Variants in B4GALT6 observed in about 807,000 individuals in gnomAD.
The protein encoded by B4GALT6 is UDP-Gal:beta-GlcNAc beta-1,4-galactosyltransferase 6.
Under a neutral mutation model 46.3 loss-of-function variants are expected in B4GALT6, and 14 were observed. That is an observed-to-expected ratio of 0.30 (90% CI 0.20 to 0.47). B4GALT6 has a LOEUF of 0.47. Among genes scored for constraint, B4GALT6 ranks in the 20% least tolerant of loss-of-function variants. The pLI is 0.99. For synonymous variants in B4GALT6, 168 were observed against 162.0 expected, an observed-to-expected ratio of 1.04 and a Z score of -0.28; for missense variants, 386 against 480.1, an observed-to-expected ratio of 0.80 and a Z score of 1.83.
chr18:31,653,341 A>C (rs2074098219), intron 3 of B4GALT6, among the ~76,000 whole-genome samples: 2 of 151,734 alleles, frequency 1.3e-5, no homozygotes, highest in Admixed American at 1.3e-4. Flanking sequence ...GCTATCTTGT[A>C]AGACCCAGTT....
the B4GALT6 span, among the ~76,000 whole-genome samples, chr18:31,712,287 A>ACTTTTC: frequency 1.2e-5 from 1 of 84,642 alleles, no homozygotes; most frequent in African/African-American, 5.1e-5. Context: ...CTGGGACGTT[A>ACTTTTC]TTTTTTTTTT....
At chr18:31,693,063 TCAAA>T in the B4GALT6 span, among the ~76,000 whole-genome samples, 1 of 152,252 alleles carries the variant, frequency 6.6e-6, no homozygotes. Context: ...CTCTGCTTCC[TCAAA>T]TATTTCCTTA....
the B4GALT6 span, among the ~76,000 whole-genome samples, chr18:31,694,604 C>T: frequency 1.3e-5 from 2 of 152,158 alleles, no homozygotes; most frequent in African/African-American, 4.8e-5. Flanking sequence ...CGAAAAGTGC[C>T]TGTAGGACTT....
intron 1 of B4GALT6, among the ~76,000 whole-genome samples, chr18:31,680,147 A>C (rs1440675195): frequency 2.6e-5 from 4 of 152,300 alleles, no homozygotes; most frequent in Middle Eastern, 3.4e-3. Flanking sequence ...CGAACTCCTG[A>C]AATGGGCCAT....
chr18:31,694,623 A>C, the B4GALT6 span, among the ~76,000 whole-genome samples: 1 of 152,254 alleles, frequency 6.6e-6, no homozygotes, highest in Non-Finnish European at 1.5e-5. Context: ...TTTTGTTCAC[A>C]GGATATTTGC....
intron 5 of B4GALT6, among the ~76,000 whole-genome samples, chr18:31,631,618 A>G (rs2073792890): frequency 6.6e-6 from 1 of 152,172 alleles, no homozygotes; most frequent in Non-Finnish European, 1.5e-5. Flanking sequence ...GTGGCGAGAA[A>G]AAAAAAGTCA....
intron 2 of B4GALT6, among the ~76,000 whole-genome samples, chr18:31,662,784 T>C (rs578084212): frequency 1.1e-3 from 173 of 152,090 alleles, no homozygotes; most frequent in African/African-American, 3.9e-3. Context: ...GAGCTTGCAG[T>C]GAGCTGAGAT....
chr18:31,672,370 T>G (rs1391147271), intron 1 of B4GALT6, among the ~76,000 whole-genome samples: 1 of 152,142 alleles, frequency 6.6e-6, no homozygotes, highest in Non-Finnish European at 1.5e-5. Flanking sequence ...TGGGGAGACA[T>G]TCAATAAATG....
rs974078546 is a variant in B4GALT6, at chr18:31,638,634, G to T, written c.588+10C>A. 7.6e-6 allele frequency: 12 copies of T among 1,585,130 alleles called. No homozygotes were observed. The highest frequency in any genetic ancestry group is 1.0e-5 in the Non-Finnish European group (12 of 1,153,860). On this transcript the variant is annotated intron_variant, in intron 5 of 8. Transcript: ENST00000306851. ...GTATACTTAGTGACCACTATGAAAA[G>T]TATTCTCACCTGTTCAATGACATAA...
chr18:31,678,333 T>TC (rs2074438828), intron 1 of B4GALT6, among the ~76,000 whole-genome samples: 1 of 152,114 alleles, frequency 6.6e-6, no homozygotes, highest in African/African-American at 2.4e-5. Flanking sequence ...TCTTTTTTTT[T>TC]CCTCTCTCTC....
At chr18:31,687,959 T>C (rs544654359), upstream of B4GALT6, among the ~76,000 whole-genome samples, 30 of 152,206 alleles carry the variant, frequency 2.0e-4, no homozygotes, top group African/African-American at 7.2e-4. Context: ...AAAATAAAAA[T>C]ATCTAATTTT....
At chr18:31,627,945 C>T (rs554133603) in intron 6 of B4GALT6, among the ~76,000 whole-genome samples, 3 of 152,286 alleles carry the variant, frequency 2.0e-5, no homozygotes, top group East Asian at 1.9e-4. Flanking sequence ...AAAACGTGAC[C>T]ATGCACAGCA....
chr18:31,684,414 T>A lies in B4GALT6; in HGVS notation c.13A>T (p.Arg5Trp), dbSNP rs764748373. Reference protein sequence around the residue: MSVLRRMMRVSNRSL... With the variant: MSVLWRMMRVSNRSL... ...CGATTGGAAACCCGCATCATCCGCC[T>A]GAGCACAGACATCTTCCTCTTCCCT... The change falls in exon 1 of 9, where the codon AGG (arginine) becomes TGG (tryptophan). Residue 5 changes from arginine to tryptophan, a missense_variant. By Grantham distance (101) the Arg-to-Trp change is moderately radical. This residue lies in a region of B4GALT6 where 63 missense variants were observed against 41.3 expected (regional missense o/e 1.53). Coordinates refer to ENST00000306851, the MANE Select transcript of B4GALT6 (RefSeq NM_004775.5). 5.6e-6 allele frequency: 9 copies of A among 1,613,510 alleles called. No homozygotes were observed. The highest frequency in any genetic ancestry group is 7.6e-6 in the Non-Finnish European group (9 of 1,179,700).
upstream of B4GALT6, among the ~76,000 whole-genome samples, chr18:31,687,979 AT>A (rs1191473123): frequency 1.3e-5 from 2 of 151,870 alleles, no homozygotes; most frequent in African/African-American, 2.4e-5. Context: ...TTTTCAGTGA[AT>A]TGGGGGGAAG....
chr18:31,707,187 T>A, the B4GALT6 span, among the ~76,000 whole-genome samples: 3 of 152,028 alleles, frequency 2.0e-5, no homozygotes, highest in African/African-American at 7.2e-5. Flanking sequence ...AACCATGCCC[T>A]ATCTGTGAGA....
At position 31,627,106 on chromosome 18, in the gene B4GALT6, T is replaced by C. The variant is rs746005124; in HGVS notation, c.792A>G (p.Glu264=). 1.2e-5 allele frequency: 19 copies of C among 1,603,408 alleles called. No homozygotes were observed. The South Asian group carries it at 1.8e-4, about 15-fold the overall frequency. Residue 264 remains glutamate, a synonymous_variant, in exon 7 of 9, where the codon GAA becomes GAG. Transcript: ENST00000306851. ...TCAGCCCACTTACACCACCAAAAAA[T>C]TCTTTATATGGAAGACTAGAAAAGA... is the stretch of plus-strand genomic sequence containing the variant. ...DKYMYILPYK[E]FFGGVSGLTV...
upstream of B4GALT6, among the ~76,000 whole-genome samples, chr18:31,688,289 A>T (rs2030000581): frequency 6.6e-6 from 1 of 150,574 alleles, no homozygotes. Context: ...ACACATATGT[A>T]ATTCCAAAAT....
the B4GALT6 span, among the ~76,000 whole-genome samples, chr18:31,711,751 T>A: frequency 6.6e-6 from 1 of 152,164 alleles, no homozygotes; most frequent in African/African-American, 2.4e-5. Context: ...GAGAATAAAA[T>A]TTTCCCCATC....
At chr18:31,690,845 C>T in the B4GALT6 span, among the ~76,000 whole-genome samples, 1 of 152,156 alleles carries the variant, frequency 6.6e-6, no homozygotes, top group African/African-American at 2.4e-5. Context: ...ATGTCCTTTT[C>T]AGGGTCATGG....
Sources: gnomAD v4.1 joint callset for allele counts (sites outside exome capture counted in the v4.1 genomes callset) on GRCh38, gnomAD v4.1.1 for gene constraint, gnomAD v4.1.1 regional missense constraint, MANE v1.5 for transcripts, NCBI Gene and HGNC (gene_info 2026-07-23, HGNC 2026-07-21) for gene names.